The following NLGN1 variants were observed in gnomAD, a reference collection of about 807,000 sequenced individuals.
The protein encoded by NLGN1 is neuroligin 1.
NLGN1 carries 12 observed loss-of-function variants against 65.5 expected under a neutral mutation model. The ratio of observed to expected loss-of-function variants is 0.18; its 90% CI spans 0.12 to 0.30. The LOEUF is 0.30. Among genes scored for constraint, NLGN1 ranks in the 10% least tolerant of loss-of-function variants. The pLI, the probability that NLGN1 is intolerant of heterozygous loss-of-function variation, is 1.00. For synonymous variants in NLGN1, 350 were observed against 359.5 expected (o/e 0.97, Z 0.30); for missense variants, 750 against 1,007.1 (o/e 0.74, Z 3.46).
intron 3 of NLGN1, among the ~76,000 whole-genome samples, chr3:173,697,686 C>G (rs1227908331): frequency 2.0e-5 from 3 of 152,122 alleles, no homozygotes; most frequent in East Asian, 1.9e-4. Context: ...CACCACCAAG[C>G]CCGGCTAATT....
At chr3:173,646,170 G>A (rs550337014) in intron 3 of NLGN1, among the ~76,000 whole-genome samples, 4 of 151,938 alleles carry the variant, frequency 2.6e-5, no homozygotes, top group East Asian at 1.9e-4. Flanking sequence ...CTTATAGATC[G>A]TTTTTAAATG....
intron 3 of NLGN1, among the ~76,000 whole-genome samples, chr3:173,727,153 G>A (rs556733764): frequency 6.6e-5 from 10 of 152,240 alleles, no homozygotes; most frequent in Admixed American, 6.5e-5. Context: ...CCACTGTTGG[G>A]AGGAAAAAGC....
chr3:174,156,500 T>C (rs1238099747), intron 4 of NLGN1, among the ~76,000 whole-genome samples: 1 of 152,020 alleles, frequency 6.6e-6, no homozygotes, highest in East Asian at 1.9e-4. Flanking sequence ...GCAATGACTC[T>C]GTATAACTAG....
intron 3 of NLGN1, among the ~76,000 whole-genome samples, chr3:173,788,284 T>G (rs1711755519): frequency 1.3e-5 from 2 of 151,256 alleles, no homozygotes; most frequent in East Asian, 3.9e-4. Flanking sequence ...ATATAGTGAC[T>G]AAATATTAAA....
At chr3:173,619,117 G>C (rs989597792) in intron 3 of NLGN1, among the ~76,000 whole-genome samples, 1 of 151,974 alleles carries the variant, frequency 6.6e-6, no homozygotes, top group Non-Finnish European at 1.5e-5. Flanking sequence ...TCCTGGTTTT[G>C]CTGGCATTTT....
At chr3:173,828,650 T>G (rs1721842729) in intron 4 of NLGN1, among the ~76,000 whole-genome samples, 1 of 152,042 alleles carries the variant, frequency 6.6e-6, no homozygotes, top group South Asian at 2.1e-4. Context: ...TCATGGAAGG[T>G]GGCTGGGAAA....
intron 4 of NLGN1, among the ~76,000 whole-genome samples, chr3:173,870,331 C>A (rs962156945): frequency 1.9e-4 from 29 of 152,046 alleles, no homozygotes; most frequent in African/African-American, 6.8e-4. Flanking sequence ...TTCACAAAAA[C>A]CTAATAAAGT....
intron 4 of NLGN1, among the ~76,000 whole-genome samples, chr3:174,036,666 C>T (rs1326113199): frequency 3.4e-5 from 5 of 147,140 alleles, no homozygotes; most frequent in Non-Finnish European, 5.9e-5. Context: ...AAACTTGTGT[C>T]GTGGGAGTTC....
intron 3 of NLGN1, among the ~76,000 whole-genome samples, chr3:173,702,217 C>CA (rs1767312361): frequency 7.3e-6 from 1 of 137,658 alleles, no homozygotes. Flanking sequence ...CCAGCCTGGG[C>CA]GACAGAGCGA....
At chr3:174,001,137 G>T (rs1723210266) in intron 4 of NLGN1, among the ~76,000 whole-genome samples, 1 of 152,134 alleles carries the variant, frequency 6.6e-6, no homozygotes, top group South Asian at 2.1e-4. Context: ...ATTTTTCATG[G>T]AGAGAAAGGG....
At chr3:173,467,311 A>C (rs924487223) in intron 2 of NLGN1, among the ~76,000 whole-genome samples, 2 of 152,064 alleles carry the variant, frequency 1.3e-5, no homozygotes, top group African/African-American at 4.8e-5. Flanking sequence ...ATAGTAATTT[A>C]CATTGCTTCC....
chr3:174,093,128 G>A (rs1406623491), intron 4 of NLGN1, among the ~76,000 whole-genome samples: 1 of 152,132 alleles, frequency 6.6e-6, no homozygotes, highest in East Asian at 1.9e-4. Context: ...GCACATCAGG[G>A]ATCTAAAGGA....
chr3:173,539,757 A>C (rs1560407332), intron 2 of NLGN1, among the ~76,000 whole-genome samples: 1 of 94,712 alleles, frequency 1.1e-5, no homozygotes, highest in Non-Finnish European at 2.0e-5. Context: ...TATATAACAT[A>C]TACATGTACA....
At chr3:173,406,598 A>G (rs917445022) in intron 1 of NLGN1, among the ~76,000 whole-genome samples, 8 of 149,336 alleles carry the variant, frequency 5.4e-5, no homozygotes, top group African/African-American at 2.0e-4. Context: ...TCATATATAT[A>G]TATAAATCAA....
At chr3:174,143,413 G>A (rs961934670) in intron 4 of NLGN1, among the ~76,000 whole-genome samples, 6 of 152,046 alleles carry the variant, frequency 3.9e-5, no homozygotes, top group Admixed American at 1.3e-4. Flanking sequence ...TTATTTGGTC[G>A]TAACTTTACA....
chr3:174,001,338 G>GAA (rs146358048), intron 4 of NLGN1, among the ~76,000 whole-genome samples: 3 of 144,402 alleles, frequency 2.1e-5, no homozygotes, highest in African/African-American at 7.6e-5. Flanking sequence ...TTTTTTCTTT[G>GAA]AAAAAAAAAA....
intron 3 of NLGN1, among the ~76,000 whole-genome samples, chr3:173,613,659 G>A (rs1288066787): frequency 1.3e-5 from 2 of 151,730 alleles, no homozygotes; most frequent in Non-Finnish European, 2.9e-5. Context: ...GTTACTTTAG[G>A]GAATTGAACA....
intron 4 of NLGN1, among the ~76,000 whole-genome samples, chr3:174,080,069 GA>G (rs914305283): frequency 2.0e-5 from 3 of 151,508 alleles, no homozygotes; most frequent in African/African-American, 7.3e-5. Context: ...ATAAACAATG[GA>G]AAAAAAACTG....
At chr3:173,568,120 T>C (rs1373187859) in intron 2 of NLGN1, among the ~76,000 whole-genome samples, 6 of 152,136 alleles carry the variant, frequency 3.9e-5, no homozygotes, top group African/African-American at 9.7e-5. Context: ...TCTACTCTTG[T>C]ACAATAGATT....
Sources: allele counts gnomAD v4.1 joint callset (sites outside exome capture counted in the v4.1 genomes callset), GRCh38; gene constraint gnomAD v4.1.1; transcripts MANE v1.5; gene names NCBI Gene and HGNC (gene_info 2026-07-23, HGNC 2026-07-21).